Variants in MTHFD1L observed in about 807,000 individuals in gnomAD.
MTHFD1L encodes monofunctional C1-tetrahydrofolate synthase, mitochondrial.
Under a neutral mutation model 119.5 loss-of-function variants are expected in MTHFD1L, and 81 were observed. The ratio of observed to expected loss-of-function variants is 0.68; its 90% CI spans 0.57 to 0.82. MTHFD1L has a LOEUF of 0.82. Ranked by LOEUF, MTHFD1L falls within the 40% of genes least tolerant of loss-of-function variation. MTHFD1L has a pLI of 0.00. For missense variants in MTHFD1L, 1,125 were observed against 1,253.4 expected (o/e 0.90, Z 1.55); for synonymous variants, 430 against 475.2 (o/e 0.90, Z 1.24).
chr6:151,050,995 A>G (rs1562598778), intron 26 of MTHFD1L, among the ~76,000 whole-genome samples: 1 of 152,112 alleles, frequency 6.6e-6, no homozygotes, highest in Admixed American at 6.5e-5. Context: ...GTAGAGCTTA[A>G]TCTCCACTCC....
intron 4 of MTHFD1L, among the ~76,000 whole-genome samples, chr6:150,881,134 T>A (rs1781330219): frequency 6.6e-6 from 1 of 152,222 alleles, no homozygotes; most frequent in African/African-American, 2.4e-5. Flanking sequence ...GCCTATTTTG[T>A]TGAGGTCCTA....
chr6:151,022,741 C>T (rs1784117055), intron 24 of MTHFD1L, among the ~76,000 whole-genome samples: 2 of 152,196 alleles, frequency 1.3e-5, no homozygotes, highest in South Asian at 2.1e-4. Flanking sequence ...TCAGCGCTCC[C>T]TCTTCTCCTG....
intron 20 of MTHFD1L, among the ~76,000 whole-genome samples, chr6:150,986,041 T>C (rs1778260721): frequency 6.6e-6 from 1 of 152,208 alleles, no homozygotes; most frequent in Admixed American, 6.5e-5. Flanking sequence ...ATTTGACTCC[T>C]TATTTGGGAA....
chr6:150,976,290 T>G (rs1484894681), intron 20 of MTHFD1L, among the ~76,000 whole-genome samples: 1 of 152,168 alleles, frequency 6.6e-6, no homozygotes, highest in Non-Finnish European at 1.5e-5. Flanking sequence ...TAACTTTCTT[T>G]GAAGAAATTC....
chr6:150,923,537 A>ATTTATTTATTTATTTTTT (rs1254981530), intron 10 of MTHFD1L, among the ~76,000 whole-genome samples: 2 of 95,204 alleles, frequency 2.1e-5, no homozygotes, highest in African/African-American at 1.0e-4. Flanking sequence ...TTATTTATTT[A>ATTTATTTATTTATTTTTT]TTTTTTCTTT....
intron 6 of MTHFD1L, among the ~76,000 whole-genome samples, 160 bp from the exon 7 acceptor site, chr6:150,887,685 G>A (rs1782540794): frequency 6.6e-6 from 1 of 152,164 alleles, no homozygotes; most frequent in Non-Finnish European, 1.5e-5. Flanking sequence ...TTGAACTCGT[G>A]ACCTGAAGTG....
chr6:150,994,475 C>G (rs1779554871), intron 20 of MTHFD1L, among the ~76,000 whole-genome samples: 1 of 144,510 alleles, frequency 6.9e-6, no homozygotes, highest in Non-Finnish European at 1.5e-5. Context: ...AGAGGTTTTC[C>G]TAGACACAGA....
intron 11 of MTHFD1L, among the ~76,000 whole-genome samples, chr6:150,932,039 G>A (rs1791129107): frequency 6.6e-6 from 1 of 151,416 alleles, no homozygotes; most frequent in Non-Finnish European, 1.5e-5. Flanking sequence ...ATGGGTGCCT[G>A]TAATCCCAGC....
intron 20 of MTHFD1L, among the ~76,000 whole-genome samples, chr6:150,977,041 A>G (rs553689887): frequency 3.0e-4 from 46 of 152,318 alleles, no homozygotes; most frequent in African/African-American, 1.0e-3. Context: ...GTCAAGTACT[A>G]TCTGCTAGGA....
intron 20 of MTHFD1L, among the ~76,000 whole-genome samples, chr6:151,005,467 C>T (rs1173860280): frequency 2.6e-5 from 4 of 152,152 alleles, no homozygotes; most frequent in East Asian, 1.9e-4. Flanking sequence ...TCCCATTCTT[C>T]GTCTATTTCC....
At chr6:151,068,486 T>C (rs1186218929) in intron 26 of MTHFD1L, among the ~76,000 whole-genome samples, 2 of 152,198 alleles carry the variant, frequency 1.3e-5, no homozygotes, top group African/African-American at 4.8e-5. Context: ...CGGGTCAGAT[T>C]CTGCTTGAAC....
chr6:150,965,308 A>G (rs1797030322), intron 19 of MTHFD1L, among the ~76,000 whole-genome samples: 1 of 152,196 alleles, frequency 6.6e-6, no homozygotes, highest in African/African-American at 2.4e-5. Flanking sequence ...AAGTGTATTC[A>G]TAGCTTCTTT....
At chr6:150,978,533 T>A (rs1776970713) in intron 20 of MTHFD1L, among the ~76,000 whole-genome samples, 1 of 152,122 alleles carries the variant, frequency 6.6e-6, no homozygotes, top group Non-Finnish European at 1.5e-5. Flanking sequence ...AAACACAGGG[T>A]GATCTTTGCC....
At chr6:151,097,900 TGTG>T (rs1462272004) in intron 27 of MTHFD1L, among the ~76,000 whole-genome samples, 1 of 152,038 alleles carries the variant, frequency 6.6e-6, no homozygotes, top group Non-Finnish European at 1.5e-5. Context: ...TTAGGCCAGG[TGTG>T]GTGGCTCATG....
intron 26 of MTHFD1L, among the ~76,000 whole-genome samples, chr6:151,040,299 CAGGT>C (rs1471775646): frequency 6.6e-6 from 1 of 152,198 alleles, no homozygotes; most frequent in African/African-American, 2.4e-5. Flanking sequence ...TTCTCTGCTT[CAGGT>C]AGTTTACAGG....
At chr6:151,006,997 G>T (rs527289109) in intron 20 of MTHFD1L, among the ~76,000 whole-genome samples, 1 of 152,150 alleles carries the variant, frequency 6.6e-6, no homozygotes, top group East Asian at 1.9e-4. Flanking sequence ...GTACTAATCA[G>T]GCCAGTGAAC....
chr6:151,074,869 A>G (rs550102565), intron 26 of MTHFD1L, among the ~76,000 whole-genome samples: 1 of 152,358 alleles, frequency 6.6e-6, no homozygotes, highest in East Asian at 1.9e-4. Flanking sequence ...ATGTTCACAC[A>G]GTGACAAAAT....
At chr6:151,087,452 A>G (rs991151446) in intron 26 of MTHFD1L, among the ~76,000 whole-genome samples, 3 of 152,142 alleles carry the variant, frequency 2.0e-5, no homozygotes, top group African/African-American at 7.2e-5. Context: ...CAAAATAGAT[A>G]TGTGTAAAAA....
Position 150,865,759 on chromosome 6 carries a change from C to A in MTHFD1L, c.-64C>A. ...CCGCCGCCGCCGCCTGCTCCCCTGG[C>A]ACGCGCCCCGCCGCCCTCGGCAGCC... On this transcript the variant is annotated 5_prime_UTR_variant, in exon 1 of 28. Transcript: ENST00000367321. 1 of 1,208,862 alleles carries A rather than the reference C, an allele frequency of 8.3e-7. No homozygotes were observed. The highest frequency in any genetic ancestry group is 1.0e-6 in the Non-Finnish European group (1 of 971,066). The allele number at this position is 1,208,862 out of a possible 1,614,324, so 74.9% of individuals were successfully genotyped here. A position where few individuals can be genotyped will look rare whatever the true frequency, so the allele number is the denominator to read the frequency against.
Sources: allele counts gnomAD v4.1 joint callset (sites outside exome capture counted in the v4.1 genomes callset), GRCh38; gene constraint gnomAD v4.1.1; transcripts MANE v1.5; gene names NCBI Gene and HGNC (gene_info 2026-07-23, HGNC 2026-07-21).